SGIP1: variants seen among roughly 807,000 people sequenced by gnomAD.
SGIP1 encodes SH3-containing GRB2-like protein 3-interacting protein 1.
In SGIP1, 38 loss-of-function variants were observed where a neutral mutation model predicts 107.5. The observed-to-expected ratio is 0.35, with a 90% CI of 0.27 to 0.46. The LOEUF (loss-of-function observed/expected upper bound fraction) is 0.46, where lower values mean the gene tolerates loss of function less well. Ranked by LOEUF, SGIP1 falls within the 20% of genes least tolerant of loss-of-function variation. The pLI is 1.00. For missense variants in SGIP1, 929 were observed against 1,019.5 expected (o/e 0.91, Z 1.21); for synonymous variants, 365 against 366.1 (o/e 1.00, Z 0.03).
At chr1:66,679,936 C>A (rs1571721911) in intron 14 of SGIP1, among the ~76,000 whole-genome samples, 184 bp downstream of exon 14, 1 of 152,190 alleles carries the variant, frequency 6.6e-6, no homozygotes, top group Non-Finnish European at 1.5e-5. Context: ...CCAGGTTTCA[C>A]ACACACAAAA....
At position 66,749,462 on chromosome 1, in the gene SGIP1, T is replaced by G. The variant is rs2094596724; in HGVS notation, c.*6367T>G. Among the ~76,000 whole-genome samples, 1 of 151,940 alleles carries G rather than the reference T, an allele frequency of 6.6e-6. No homozygotes were observed. Among genetic ancestry groups the G allele is most frequent in the Admixed American group, 6.6e-5 (1 of 15,254 alleles). On this transcript the variant is annotated 3_prime_UTR_variant, in exon 25 of 25. Coordinates refer to ENST00000371037, the MANE Select transcript of SGIP1 (RefSeq NM_032291.4). ...ATAGGGTTTTTTTTTTGCTGTTTTT[T>G]TTTCTTTTTTTGCTTTGCTTTACTT... is the stretch of plus-strand genomic sequence containing the variant.
chr1:66,733,993 G>T, intron 21 of SGIP1, 113 bp downstream of exon 21: 1 of 1,181,192 alleles, frequency 8.5e-7, no homozygotes, highest in Non-Finnish European at 1.1e-6. Context: ...GTATTTAAAA[G>T]CTATAACTCA....
intron 7 of SGIP1, among the ~76,000 whole-genome samples, chr1:66,652,933 C>T (rs945819443): frequency 7.9e-5 from 12 of 152,180 alleles, no homozygotes; most frequent in African/African-American, 2.9e-4. Context: ...TTGAGTTCTA[C>T]TCATCAAGGA....
intron 19 of SGIP1, among the ~76,000 whole-genome samples, chr1:66,719,691 A>G (rs2093426282): frequency 6.6e-6 from 1 of 152,192 alleles, no homozygotes; most frequent in Non-Finnish European, 1.5e-5. Flanking sequence ...TTTGGTTGCA[A>G]GTAACAGAAA....
At chr1:66,609,272 G>A (rs2067472675) in intron 1 of SGIP1, among the ~76,000 whole-genome samples, 1 of 152,180 alleles carries the variant, frequency 6.6e-6, no homozygotes, top group Non-Finnish European at 1.5e-5. Context: ...AAATTTGGAA[G>A]AAAGGGAAAA....
chr1:66,724,706 C>T (rs2093680700), intron 19 of SGIP1, among the ~76,000 whole-genome samples: 1 of 152,108 alleles, frequency 6.6e-6, no homozygotes. Context: ...TAGACAGATG[C>T]CTGTTGAGTT....
intron 20 of SGIP1, among the ~76,000 whole-genome samples, chr1:66,731,753 A>G (rs537439833): frequency 6.6e-6 from 1 of 152,310 alleles, no homozygotes; most frequent in East Asian, 1.9e-4. Flanking sequence ...ACCAGCCTTT[A>G]GTGTCTATCA....
At chr1:66,702,822 CA>C (rs2092088803) in intron 18 of SGIP1, among the ~76,000 whole-genome samples, 1 of 152,152 alleles carries the variant, frequency 6.6e-6, no homozygotes, top group Admixed American at 6.5e-5. Context: ...CATTGGGCAA[CA>C]TTTGCTTTGC....
intron 7 of SGIP1, among the ~76,000 whole-genome samples, chr1:66,650,626 A>G (rs2078567384): frequency 6.6e-6 from 1 of 152,068 alleles, no homozygotes; most frequent in East Asian, 1.9e-4. Context: ...GGACATCTCC[A>G]TTCCTTCCAA....
intron 7 of SGIP1, 41 bp from the exon 8 acceptor site, chr1:66,660,472 C>G (rs1216708554): frequency 6.3e-7 from 1 of 1,591,306 alleles, no homozygotes. Flanking sequence ...TCACCTCTCT[C>G]ATTTTCTCTT....
intron 1 of SGIP1, among the ~76,000 whole-genome samples, chr1:66,535,657 A>G (rs1570935669): frequency 6.6e-6 from 1 of 152,216 alleles, no homozygotes; most frequent in Admixed American, 6.5e-5. Flanking sequence ...TTTGTTATGG[A>G]GCTGAGTCTT....
chr1:66,547,698 T>C (rs2056665749), intron 1 of SGIP1, among the ~76,000 whole-genome samples: 1 of 152,172 alleles, frequency 6.6e-6, no homozygotes, highest in East Asian at 1.9e-4. Flanking sequence ...CTTGCTGTCA[T>C]GGAGCCTGAG....
chr1:66,628,837 A>C (rs1039161627), intron 2 of SGIP1, among the ~76,000 whole-genome samples: 1 of 99,878 alleles, frequency 1.0e-5, no homozygotes, highest in East Asian at 6.8e-4. Context: ...AAGAATCCCA[A>C]GTATCCTTCC....
At chr1:66,587,286 C>T (rs1212722655) in intron 1 of SGIP1, among the ~76,000 whole-genome samples, 3 of 151,680 alleles carry the variant, frequency 2.0e-5, no homozygotes, top group African/African-American at 7.3e-5. Flanking sequence ...TCAGCTATGC[C>T]TTCTTTCTTC....
chr1:66,664,363 A>C (rs1022302199), intron 8 of SGIP1, among the ~76,000 whole-genome samples: 1 of 152,190 alleles, frequency 6.6e-6, no homozygotes, highest in Non-Finnish European at 1.5e-5. Flanking sequence ...ATTACAAGTA[A>C]ATTGACTAGA....
At chr1:66,598,047 T>C (rs1258131702) in intron 1 of SGIP1, among the ~76,000 whole-genome samples, 2 of 152,012 alleles carry the variant, frequency 1.3e-5, no homozygotes, top group Non-Finnish European at 2.9e-5. Flanking sequence ...CCTGGGCAAG[T>C]ATATATTTTT....
intron 7 of SGIP1, among the ~76,000 whole-genome samples, chr1:66,650,620 A>G (rs954392763): frequency 6.6e-6 from 1 of 152,110 alleles, no homozygotes; most frequent in Non-Finnish European, 1.5e-5. Flanking sequence ...AGATACGGAC[A>G]TCTCCATTCC....
intron 1 of SGIP1, among the ~76,000 whole-genome samples, chr1:66,562,184 G>T (rs1323193730): frequency 6.6e-6 from 1 of 151,978 alleles, no homozygotes; most frequent in Non-Finnish European, 1.5e-5. Context: ...CAGAGTATAT[G>T]ACAGACAGGG....
intron 18 of SGIP1, among the ~76,000 whole-genome samples, chr1:66,716,208 A>G (rs916861698): frequency 4.6e-5 from 7 of 152,110 alleles, no homozygotes; most frequent in African/African-American, 1.4e-4. Flanking sequence ...CTAGGGACCA[A>G]TCTCTGAGAT....
Sources: allele counts gnomAD v4.1 joint callset (sites outside exome capture counted in the v4.1 genomes callset), GRCh38; gene constraint gnomAD v4.1.1; transcripts MANE v1.5; gene names NCBI Gene and HGNC (gene_info 2026-07-23, HGNC 2026-07-21).